SLC38A1: variants seen among roughly 807,000 people sequenced by gnomAD.
The protein encoded by SLC38A1 is sodium-coupled neutral amino acid symporter 1.
A neutral mutation model predicts 60.3 loss-of-function variants in SLC38A1; 18 were observed. The observed-to-expected ratio is 0.30, with a 90% CI of 0.21 to 0.44. The LOEUF is 0.44. SLC38A1 is among the 20% of genes least tolerant of loss of function. SLC38A1 has a pLI of 1.00. For missense variants in SLC38A1, 448 were observed against 587.2 expected (o/e 0.76, Z 2.45); for synonymous variants, 196 against 212.1 (o/e 0.92, Z 0.66).
chr12:46,237,128 A>G (rs562435044), intron 3 of SLC38A1, among the ~76,000 whole-genome samples: 5 of 152,250 alleles, frequency 3.3e-5, no homozygotes, highest in Non-Finnish European at 7.3e-5. Flanking sequence ...TATCAGCTAG[A>G]TGCCAAGTAA....
chr12:46,221,826 C>G (rs1410018671), intron 5 of SLC38A1, among the ~76,000 whole-genome samples: 2 of 152,128 alleles, frequency 1.3e-5, no homozygotes, highest in African/African-American at 4.8e-5. Flanking sequence ...ACAAATGACA[C>G]TGAAAAGGAA....
At chr12:46,248,262 C>A (rs1055340576) in intron 1 of SLC38A1, among the ~76,000 whole-genome samples, 3 of 152,040 alleles carry the variant, frequency 2.0e-5, no homozygotes, top group Non-Finnish European at 4.4e-5. Context: ...AGACTCAAGA[C>A]CCGTAATTGT....
chr12:46,226,242 G>A (rs1940858369), intron 5 of SLC38A1, among the ~76,000 whole-genome samples: 1 of 151,876 alleles, frequency 6.6e-6, no homozygotes, highest in Non-Finnish European at 1.5e-5. Flanking sequence ...TAGAAGGAAG[G>A]AAACATACAA....
intron 13 of SLC38A1, 98 bp from the exon 14 acceptor site, chr12:46,198,841 C>A: frequency 1.4e-6 from 1 of 724,446 alleles, no homozygotes; most frequent in Non-Finnish European, 2.3e-6. Context: ...AACTAAAGGG[C>A]AAGAAAAGCA....
rs149902461 is a variant in SLC38A1, at chr12:46,258,588, G to T, written c.-209+9938C>A. Among the ~76,000 whole-genome samples, 532 of 152,224 alleles carry T rather than the reference G, an allele frequency of 3.5e-3. 2 individuals carry two copies. The highest frequency in any genetic ancestry group is 5.6e-3 in the Admixed American group (85 of 15,274). ...GTTAGATGTAAAATGTTCTACTTGGGCATCGTGTCAGTGCTCAGAGTTTTA... is the reference window on the plus strand; with the variant it reads ...GTTAGATGTAAAATGTTCTACTTGGTCATCGTGTCAGTGCTCAGAGTTTTA... On this transcript the variant is annotated intron_variant, in intron 1 of 16. Coordinates refer to ENST00000398637, the MANE Select transcript of SLC38A1 (RefSeq NM_030674.4).
intron 1 of SLC38A1, among the ~76,000 whole-genome samples, chr12:46,252,471 G>A (rs1414516235): frequency 2.6e-5 from 4 of 151,560 alleles, no homozygotes; most frequent in Non-Finnish European, 5.9e-5. Context: ...ATGTACCCTA[G>A]AACTATAATA....
intron 13 of SLC38A1, 105 bp downstream of exon 13, chr12:46,200,993 G>T: frequency 1.2e-6 from 1 of 808,938 alleles, no homozygotes. Context: ...CCAATGGATA[G>T]CTTTGTTGCT....
At chr12:46,230,085 T>C (rs1219483859) in intron 3 of SLC38A1, among the ~76,000 whole-genome samples, 1 of 152,240 alleles carries the variant, frequency 6.6e-6, no homozygotes, top group African/African-American at 2.4e-5. Flanking sequence ...ATATCAAGAC[T>C]ACTATAAACC....
intron 2 of SLC38A1, among the ~76,000 whole-genome samples, chr12:46,241,814 T>C (rs1941458569): frequency 1.3e-5 from 2 of 152,184 alleles, no homozygotes; most frequent in East Asian, 1.9e-4. Flanking sequence ...ACTGACTCCC[T>C]CTTGTGTGAC....
In SLC38A1 at chr12:46,229,597, G is replaced by C; in HGVS notation, c.165C>G (p.Asn55Lys). 6.2e-7 allele frequency: 1 copy of C among 1,613,516 alleles called. No homozygotes were observed. The highest frequency in any genetic ancestry group is 1.1e-5 in the South Asian group (1 of 91,066). Residue 55 changes from asparagine (N) to lysine (K), a missense_variant, in exon 4 of 17, where the codon AAC (asparagine) becomes AAG (lysine). Asn to Lys is a moderately conservative substitution (Grantham distance 94). This residue lies in a region of SLC38A1 where 102 missense variants were observed against 89.7 expected (regional missense o/e 1.14). Coordinates refer to ENST00000398637, the MANE Select transcript of SLC38A1 (RefSeq NM_030674.4). ...CACACTTCTTTTTTTCCAAATGGCT[G>C]TTTGTGAGACTTCTTCTACTTTCAC... is the stretch of plus-strand genomic sequence containing the variant. The part of the protein sequence containing the change: ...SDRESRRSLT[N>K]SHLEKKKCDE...
At chr12:46,244,843 T>A (rs1941561410) in intron 1 of SLC38A1, among the ~76,000 whole-genome samples, 1 of 152,248 alleles carries the variant, frequency 6.6e-6, no homozygotes, top group Non-Finnish European at 1.5e-5. Context: ...CTCTGTTAAA[T>A]GAAACTAAAC....
In SLC38A1 at chr12:46,212,887, C is replaced by T. The variant is rs192548383; in HGVS notation, c.315-3760G>A. Among the ~76,000 whole-genome samples, 230 of 152,272 alleles carry T rather than the reference C, an allele frequency of 1.5e-3. 1 individual carries two copies. The highest frequency in any genetic ancestry group is 5.3e-3 in the African/African-American group (220 of 41,546). ...ACTGAGGCTCAGCTGAAATCACTGT[C>T]GCTACTTCTATCCTTGGGTCCTCAT... On this transcript the variant is annotated intron_variant, in intron 5 of 16. Transcript: ENST00000398637.
intron 3 of SLC38A1, among the ~76,000 whole-genome samples, chr12:46,238,888 C>T (rs1941346972): frequency 6.6e-6 from 1 of 152,138 alleles, no homozygotes; most frequent in Non-Finnish European, 1.5e-5. Context: ...CTCACAGAGT[C>T]ATTTGGGCTC....
chr12:46,202,925 C>T lies in SLC38A1; in HGVS notation c.902+85G>A, dbSNP rs1164076972. On this transcript the variant is annotated intron_variant, in intron 12 of 16. Transcript: ENST00000398637. ...GATGAATCCGCTGACGTTCATTAGA[C>T]AAGTCCGTTTATTTTAATTGCATAC... is the stretch of plus-strand genomic sequence containing the variant. 7.2e-6 allele frequency: 7 copies of T among 978,776 alleles called. No individual in the cohort carries two copies. The East Asian group carries it at 1.3e-4, about 18-fold the overall frequency. 60.6% of individuals were successfully genotyped at this position (978,776 alleles called of 1,614,324 possible).
intron 2 of SLC38A1, among the ~76,000 whole-genome samples, chr12:46,242,855 T>G (rs181678820): frequency 2.0e-5 from 3 of 152,212 alleles, no homozygotes; most frequent in African/African-American, 7.2e-5. Flanking sequence ...AGAACAGATA[T>G]TGTAAAAGAA....
At chr12:46,253,894 G>A (rs1425910440) in intron 1 of SLC38A1, among the ~76,000 whole-genome samples, 1 of 152,120 alleles carries the variant, frequency 6.6e-6, no homozygotes, top group Non-Finnish European at 1.5e-5. Context: ...TGTGTTCAGG[G>A]TAGAGACGCG....
chr12:46,194,728 A>T (rs1317501999), intron 16 of SLC38A1, among the ~76,000 whole-genome samples: 1 of 152,140 alleles, frequency 6.6e-6, no homozygotes, highest in Non-Finnish European at 1.5e-5. Flanking sequence ...TCGGCTATTG[A>T]AGCTTGTGCA....
chr12:46,268,179 G>T lies in SLC38A1; in HGVS notation c.-209+347C>A, dbSNP rs1942423781. Among the ~76,000 whole-genome samples, 1 of 152,186 alleles carries T rather than the reference G, an allele frequency of 6.6e-6. No homozygotes were observed. The highest frequency in any genetic ancestry group is 6.5e-5 in the Admixed American group (1 of 15,280). The stretch of plus-strand genomic sequence containing the variant: ...CTGCGCTCTCCCTCCAGACGTGCGT[G>T]GTTCCTGGCTCTCGTAAAAATGGAA... On this transcript the variant is annotated intron_variant, in intron 1 of 16. Coordinates refer to ENST00000398637, the MANE Select transcript of SLC38A1 (RefSeq NM_030674.4). The surrounding 1 kb of genome is among the most constrained non-coding windows in gnomAD (Gnocchi z 4.4).
chr12:46,229,910 G>A (rs950886709), intron 3 of SLC38A1, among the ~76,000 whole-genome samples: 1 of 152,004 alleles, frequency 6.6e-6, no homozygotes, highest in Non-Finnish European at 1.5e-5. Flanking sequence ...ACTCTACCTT[G>A]TACAAAACAA....
Sources: gnomAD v4.1 joint callset for allele counts (sites outside exome capture counted in the v4.1 genomes callset) on GRCh38, gnomAD v4.1.1 for gene constraint, gnomAD v4.1.1 regional missense constraint, Gnocchi (gnomAD v3.1) non-coding constraint, MANE v1.5 for transcripts, NCBI Gene and HGNC (gene_info 2026-07-23, HGNC 2026-07-21) for gene names.